The following PRRC2C variants were observed in gnomAD, a reference collection of about 807,000 sequenced individuals.
The protein encoded by PRRC2C is protein PRRC2C.
Under a neutral mutation model 317.2 loss-of-function variants are expected in PRRC2C, and 72 were observed. The observed-to-expected ratio is 0.23, with a 90% confidence interval of 0.19 to 0.28. PRRC2C has a LOEUF of 0.28. Ranked by LOEUF, PRRC2C falls within the 10% of genes least tolerant of loss-of-function variation. PRRC2C has a pLI of 1.00. For synonymous variants in PRRC2C, 1,296 were observed against 1,205.9 expected (o/e 1.07, Z -1.55); for missense variants, 3,074 against 3,459.7 (o/e 0.89, Z 2.80).
At chr1:171,566,155 T>TA in intron 20 of PRRC2C, 78 bp from the exon 21 acceptor site, 2 of 1,190,668 alleles carry the variant, frequency 1.7e-6, no homozygotes, top group Non-Finnish European at 2.4e-6. Flanking sequence ...CTATTGTACT[T>TA]AAACTGTATA....
At chr1:171,544,376 G>A (rs149559484) in intron 16 of PRRC2C, among the ~76,000 whole-genome samples, 51 of 152,186 alleles carry the variant, frequency 3.4e-4, no homozygotes, top group Middle Eastern at 3.4e-3. Flanking sequence ...TGCCCACCTC[G>A]GCCTCCCAAA....
Position 171,592,024 on chromosome 1 carries a change from A to G in PRRC2C, c.*177A>G, listed in dbSNP as rs943987589. 12 of 773,738 alleles carry G rather than the reference A, an allele frequency of 1.6e-5. No individual in the cohort carries two copies. Among genetic ancestry groups the G allele is most frequent in the Non-Finnish European group, 6.0e-6 (3 of 496,682 alleles). 47.9% of individuals were successfully genotyped at this position (773,738 alleles called of 1,614,324 possible). On this transcript the variant is annotated 3_prime_UTR_variant, in exon 35 of 35. Coordinates refer to ENST00000647382, the MANE Select transcript of PRRC2C (RefSeq NM_001387844.1). The stretch of plus-strand genomic sequence containing the variant: ...CTGACACACAGCTGCTGTACCAGTG[A>G]AAACGAGGCTTTGCAAGCTTGTACC...
In PRRC2C at chr1:171,512,849, C is replaced by T. The variant is rs1671639302; in HGVS notation, c.113-146C>T. 3 of 720,566 alleles carry T rather than the reference C, an allele frequency of 4.2e-6. No homozygotes were observed. The East Asian group carries it at 8.8e-5, about 21-fold the overall frequency. 44.6% of individuals were successfully genotyped at this position (720,566 alleles called of 1,614,324 possible). ...ACTGAAATGTGTTGCAGGTGTGTAG[C>T]TTAGTTTTAAAATTATTATTTTAAA... On this transcript the variant is annotated intron_variant, in intron 2 of 34. Coordinates refer to ENST00000647382, the MANE Select transcript of PRRC2C (RefSeq NM_001387844.1).
chr1:171,539,876 C>A, intron 15 of PRRC2C, 95 bp from the exon 16 acceptor site: 1 of 1,046,892 alleles, frequency 9.6e-7, no homozygotes, highest in South Asian at 1.6e-5. Flanking sequence ...GGTTAAGAGT[C>A]ATTGCTTTCT....
At chr1:171,493,925 T>TA (rs1273476827) in intron 1 of PRRC2C, among the ~76,000 whole-genome samples, 2 of 152,252 alleles carry the variant, frequency 1.3e-5, no homozygotes, top group Non-Finnish European at 2.9e-5. Flanking sequence ...AAGAGCTTTA[T>TA]ACACACTTTG....
intron 9 of PRRC2C, among the ~76,000 whole-genome samples, chr1:171,523,747 C>A (rs1281625491): frequency 6.6e-6 from 1 of 151,940 alleles, no homozygotes; most frequent in Non-Finnish European, 1.5e-5. Flanking sequence ...TATTTAAAAA[C>A]ATTTAGGGCT....
At chr1:171,521,486 G>T (rs553208762) in intron 6 of PRRC2C, among the ~76,000 whole-genome samples, 46 of 152,316 alleles carry the variant, frequency 3.0e-4, no homozygotes, top group African/African-American at 1.1e-3. Flanking sequence ...GCAGTAACTT[G>T]ATTGAGAATT....
chr1:171,541,569 G>T lies in PRRC2C; in HGVS notation c.4103G>T (p.Arg1368Leu), dbSNP rs779499618. ...GGRPSRPSTLRRPAYRDNQWN... is the reference protein window; with the variant it reads ...GGRPSRPSTLLRPAYRDNQWN... The stretch of plus-strand genomic sequence containing the variant: ...CGTCCATCACGCCCTTCCACTTTAC[G>T]AAGACCAGCTTATCGGGACAATCAG... Residue 1368 changes from arginine to leucine, a missense_variant, in exon 16 of 35, where the codon CGA (arginine) becomes CTA (leucine). Arg to Leu is a moderately radical substitution (Grantham distance 102). Around this residue, in one of 11 missense-constraint regions of PRRC2C, gnomAD observed 1,320 missense variants for 1,395.7 expected, o/e 0.95. Coordinates refer to ENST00000647382, the MANE Select transcript of PRRC2C (RefSeq NM_001387844.1). The surrounding 1 kb of genome is among the most constrained non-coding windows in gnomAD (Gnocchi z 4.1). 11 of 1,613,756 alleles carry T rather than the reference G, an allele frequency of 6.8e-6. No homozygotes were observed. The highest frequency in any genetic ancestry group is 9.3e-6 in the Non-Finnish European group (11 of 1,179,832).
intron 28 of PRRC2C, among the ~76,000 whole-genome samples, chr1:171,582,774 G>A (rs1648939566): frequency 6.6e-6 from 1 of 151,568 alleles, no homozygotes; most frequent in African/African-American, 2.4e-5. Context: ...AGTTGCTGTA[G>A]GTGAGTCAGT....
At chr1:171,498,074 G>A (rs955378222) in intron 1 of PRRC2C, among the ~76,000 whole-genome samples, 4 of 147,584 alleles carry the variant, frequency 2.7e-5, no homozygotes, top group African/African-American at 5.0e-5. Context: ...CCATCCTTCC[G>A]CCTCGGCTTC....
At chr1:171,564,793 A>C (rs1247485895) in intron 20 of PRRC2C, among the ~76,000 whole-genome samples, 1 of 152,216 alleles carries the variant, frequency 6.6e-6, no homozygotes, top group East Asian at 1.9e-4. Context: ...AATTTTATGG[A>C]ACCACCCTTG....
chr1:171,515,961 A>G (rs1190801448), intron 5 of PRRC2C, 102 bp downstream of exon 5: 2 of 1,305,234 alleles, frequency 1.5e-6, no homozygotes, highest in South Asian at 1.9e-5. Context: ...GCCTACTTCG[A>G]AAAGGCAGAC....
chr1:171,492,348 C>A (rs1452502987), intron 1 of PRRC2C, among the ~76,000 whole-genome samples: 1 of 152,104 alleles, frequency 6.6e-6, no homozygotes, highest in African/African-American at 2.4e-5. Context: ...TTTGATTATA[C>A]TGTTATATTT....
chr1:171,489,863 A>C (rs1167243350), intron 1 of PRRC2C, among the ~76,000 whole-genome samples: 1 of 152,140 alleles, frequency 6.6e-6, no homozygotes, highest in African/African-American at 2.4e-5. Context: ...TCTGCCTGTT[A>C]CTTAATATTT....
chr1:171,557,119 T>C, intron 18 of PRRC2C, 121 bp from the exon 19 acceptor site: 2 of 1,440,462 alleles, frequency 1.4e-6, no homozygotes, highest in Non-Finnish European at 1.8e-6. Context: ...CATTTTGTGG[T>C]TTGAGTACCT....
chr1:171,518,813 T>A (rs1672977766), intron 6 of PRRC2C, among the ~76,000 whole-genome samples: 1 of 151,824 alleles, frequency 6.6e-6, no homozygotes, highest in African/African-American at 2.4e-5. Flanking sequence ...TTTAAACTTT[T>A]TTTAATGGAA....
intron 1 of PRRC2C, among the ~76,000 whole-genome samples, chr1:171,496,774 C>CGT (rs71688813): frequency 0.22 from 31,588 of 146,648 alleles, 3,286 homozygotes; most frequent in South Asian, 0.36. Flanking sequence ...ACATTTGGGG[C>CGT]GTGTGTGTGT....
intron 30 of PRRC2C, among the ~76,000 whole-genome samples, chr1:171,586,600 G>A (rs1428020838): frequency 1.0e-5 from 1 of 97,652 alleles, no homozygotes; most frequent in African/African-American, 4.4e-5. Context: ...ATTTTATTTT[G>A]AGACAGAGTC....
At chr1:171,566,444 A>G (rs1683679199) in intron 21 of PRRC2C, 23 bp downstream of exon 21, 8 of 1,528,938 alleles carry the variant, frequency 5.2e-6, no homozygotes, top group Non-Finnish European at 7.0e-6. Context: ...TATAATCCAG[A>G]TAAAATTTTA....
Sources: gnomAD v4.1 joint callset for allele counts (sites outside exome capture counted in the v4.1 genomes callset) on GRCh38, gnomAD v4.1.1 for gene constraint, gnomAD v4.1.1 regional missense constraint, Gnocchi (gnomAD v3.1) non-coding constraint, MANE v1.5 for transcripts, NCBI Gene and HGNC (gene_info 2026-07-23, HGNC 2026-07-21) for gene names.